The following PREX1 variants were observed in gnomAD, a reference collection of about 807,000 sequenced individuals.
PREX1 encodes the protein phosphatidylinositol 3,4,5-trisphosphate-dependent Rac exchanger 1 protein.
Under a neutral mutation model 198.3 loss-of-function variants are expected in PREX1, and 41 were observed. That is an observed-to-expected ratio of 0.21 (90% CI 0.16 to 0.27). The LOEUF (loss-of-function observed/expected upper bound fraction) is 0.27. PREX1 is among the 10% of genes least tolerant of loss of function. The pLI is 1.00. For synonymous variants in PREX1, 843 were observed against 887.2 expected (o/e 0.95, Z 0.89); for missense variants, 1,620 against 2,200.7 (o/e 0.74, Z 5.28).
At chr20:48,732,296 C>T (rs2090037836) in intron 4 of PREX1, among the ~76,000 whole-genome samples, 1 of 152,032 alleles carries the variant, frequency 6.6e-6, no homozygotes, top group East Asian at 1.9e-4. Context: ...AACATGAACT[C>T]ACTTGTGAAG....
intron 6 of PREX1, among the ~76,000 whole-genome samples, chr20:48,707,972 G>A (rs767168343): frequency 6.6e-6 from 1 of 152,188 alleles, no homozygotes; most frequent in Admixed American, 6.5e-5. Flanking sequence ...TGAAAGAGAA[G>A]GGGTGGGGAG....
intron 5 of PREX1, among the ~76,000 whole-genome samples, chr20:48,717,145 T>C (rs887837361): frequency 3.9e-5 from 6 of 152,172 alleles, no homozygotes; most frequent in Non-Finnish European, 8.8e-5. Context: ...CAATTGTCAC[T>C]GGAAGATGTG....
intron 10 of PREX1, among the ~76,000 whole-genome samples, chr20:48,686,788 T>C (rs996473501): frequency 6.6e-6 from 1 of 152,224 alleles, no homozygotes; most frequent in Non-Finnish European, 1.5e-5. Flanking sequence ...ATAGAGTCCA[T>C]GGCGCCCTGC....
chr20:48,629,055 G>A (rs996388445), intron 37 of PREX1, among the ~76,000 whole-genome samples: 2 of 152,168 alleles, frequency 1.3e-5, no homozygotes, highest in African/African-American at 4.8e-5. Flanking sequence ...TCTGGAGAAG[G>A]TGACCTCTTC....
intron 14 of PREX1, 37 bp downstream of exon 14, chr20:48,676,156 C>G: frequency 6.3e-7 from 1 of 1,586,930 alleles, no homozygotes; most frequent in Non-Finnish European, 8.7e-7. Context: ...ACGGACAAAG[C>G]AGAACACTGG....
At chr20:48,664,925 C>G (rs1204122637) in intron 15 of PREX1, among the ~76,000 whole-genome samples, 2 of 148,906 alleles carry the variant, frequency 1.3e-5, no homozygotes, top group Non-Finnish European at 3.0e-5. Flanking sequence ...GAATTCTAAT[C>G]CCGACTCCAG....
At chr20:48,626,615 G>A (rs915500209) in intron 39 of PREX1, among the ~76,000 whole-genome samples, 2 of 152,224 alleles carry the variant, frequency 1.3e-5, no homozygotes, top group African/African-American at 4.8e-5. Flanking sequence ...TGAAGGTATT[G>A]AAAGGAACCA....
intron 15 of PREX1, among the ~76,000 whole-genome samples, chr20:48,660,355 T>A (rs1181018601): frequency 6.6e-6 from 1 of 152,042 alleles, no homozygotes; most frequent in East Asian, 1.9e-4. Flanking sequence ...TAGAAACAGA[T>A]CAATAACCAG....
intron 4 of PREX1, among the ~76,000 whole-genome samples, chr20:48,733,690 C>CTGTTGTTGTTGCTGT (rs1555839212): frequency 1.4e-5 from 1 of 71,020 alleles, no homozygotes; most frequent in Non-Finnish European, 3.0e-5. Flanking sequence ...GTAAATCCCT[C>CTGTTGTTGTTGCTGT]TGTTGTTGTT....
intron 16 of PREX1, 84 bp downstream of exon 16, chr20:48,659,835 T>C: frequency 1.9e-6 from 3 of 1,580,438 alleles, no homozygotes; most frequent in Non-Finnish European, 2.6e-6. Context: ...CCCCCTTCCC[T>C]GTGCATAACC....
intron 1 of PREX1, among the ~76,000 whole-genome samples, chr20:48,782,770 G>C (rs931975731): frequency 6.6e-6 from 1 of 152,166 alleles, no homozygotes; most frequent in East Asian, 1.9e-4. Context: ...GCTGTGTTTA[G>C]AGGGTCCATG....
At chr20:48,768,784 AAAG>A (rs1488519741) in intron 1 of PREX1, among the ~76,000 whole-genome samples, 1 of 152,068 alleles carries the variant, frequency 6.6e-6, no homozygotes, top group Non-Finnish European at 1.5e-5. Context: ...CAAAAAAAAA[AAAG>A]AAAAGTCGTC....
chr20:48,814,946 G>GA (rs1434309591), intron 1 of PREX1, among the ~76,000 whole-genome samples: 7 of 152,004 alleles, frequency 4.6e-5, no homozygotes, highest in Non-Finnish European at 8.8e-5. Context: ...AGGCAGAAAC[G>GA]AAAAAAATGG....
At chr20:48,693,188 GTCCA>G (rs10626115) in intron 7 of PREX1, among the ~76,000 whole-genome samples, 8,550 of 150,854 alleles carry the variant, frequency 0.057, 268 homozygotes, top group East Asian at 0.081. Flanking sequence ...CTGGCAGTCC[GTCCA>G]TCCATCCATC....
chr20:48,655,393 G>A lies in PREX1; in HGVS notation c.2124-18C>T, dbSNP rs781520630. On this transcript the variant is annotated intron_variant, in intron 18 of 39. Coordinates refer to ENST00000371941, the MANE Select transcript of PREX1 (RefSeq NM_020820.4). ...TGATGATCCTGCACCAGGTAGAAGA[G>A]GCAGGGAAAAAGGCCATGAGGAAAA... 3 of 1,500,734 alleles carry A rather than the reference G, an allele frequency of 2.0e-6. No homozygotes were observed. Among genetic ancestry groups the A allele is most frequent in the African/African-American group, 1.4e-5 (1 of 70,228 alleles). The allele number at this position is 1,500,734 out of a possible 1,614,324, so 93.0% of individuals were successfully genotyped here.
intron 15 of PREX1, among the ~76,000 whole-genome samples, chr20:48,663,476 G>T (rs577199639): frequency 6.6e-6 from 1 of 151,834 alleles, no homozygotes; most frequent in Non-Finnish European, 1.5e-5. Context: ...GTGGTGAGCC[G>T]AGATCACACC....
intron 5 of PREX1, among the ~76,000 whole-genome samples, chr20:48,714,087 A>C (rs541167315): frequency 1.2e-4 from 19 of 152,352 alleles, no homozygotes; most frequent in African/African-American, 4.6e-4. Context: ...AAATGGACTC[A>C]AAATGGATCA....
chr20:48,629,686 C>G (rs1360994927), intron 36 of PREX1, 65 bp from the exon 37 acceptor site: 16 of 1,527,568 alleles, frequency 1.0e-5, no homozygotes, highest in Non-Finnish European at 1.4e-5. Context: ...CAGCCCCCAT[C>G]TGGCCCTCCT....
At chr20:48,885,578 T>C in the PREX1 span, among the ~76,000 whole-genome samples, 3 of 152,204 alleles carry the variant, frequency 2.0e-5, no homozygotes, top group African/African-American at 7.2e-5. Context: ...ATTGAAAACG[T>C]ATTTCCACAC....
Sources: gnomAD v4.1 joint callset for allele counts (sites outside exome capture counted in the v4.1 genomes callset) on GRCh38, gnomAD v4.1.1 for gene constraint, MANE v1.5 for transcripts, NCBI Gene and HGNC (gene_info 2026-07-23, HGNC 2026-07-21) for gene names.